The following GRB14 variants were observed in gnomAD, a reference collection of about 807,000 sequenced individuals.
The protein encoded by GRB14 is growth factor receptor-bound protein 14.
Under a neutral mutation model 69.1 loss-of-function variants are expected in GRB14, and 38 were observed. That is an observed-to-expected ratio of 0.55 (90% CI 0.42 to 0.72). The LOEUF (loss-of-function observed/expected upper bound fraction) is 0.72, where lower values mean the gene tolerates loss of function less well. Ranked by LOEUF, GRB14 falls within the 30% of genes least tolerant of loss-of-function variation. GRB14 has a pLI of 0.00. For synonymous variants in GRB14, 247 were observed against 241.3 expected (o/e 1.02, Z -0.22); for missense variants, 666 against 666.1 (o/e 1.00, Z 0.00).
chr2:164,504,703 G>C (rs1033686181), intron 8 of GRB14, among the ~76,000 whole-genome samples: 3 of 152,128 alleles, frequency 2.0e-5, no homozygotes, highest in African/African-American at 7.2e-5. Flanking sequence ...ACATGGATGT[G>C]GTAGGTAGAA....
chr2:164,595,173 C>A (rs1400671005), intron 2 of GRB14, among the ~76,000 whole-genome samples: 1 of 152,162 alleles, frequency 6.6e-6, no homozygotes, highest in Non-Finnish European at 1.5e-5. Context: ...TTGCAATAAA[C>A]CAATGTTTAT....
chr2:164,608,853 G>T (rs1452960246), intron 2 of GRB14, among the ~76,000 whole-genome samples: 1 of 152,092 alleles, frequency 6.6e-6, no homozygotes, highest in Non-Finnish European at 1.5e-5. Context: ...AAATAGTCCA[G>T]TAGCTGGCAT....
At position 164,492,907 on chromosome 2, in the gene GRB14, A is replaced by ATT. The variant is rs1303924477; in HGVS notation, c.*127_*128dup. The ATT allele has an allele frequency of 1.3e-6, 1 of 784,088 alleles. No homozygotes were observed. Among genetic ancestry groups the ATT allele is most frequent in the Non-Finnish European group, 1.9e-6 (1 of 515,858 alleles). 48.6% of individuals were successfully genotyped at this position (784,088 alleles called of 1,614,324 possible). The stretch of plus-strand genomic sequence containing the variant: ...TTTGCTTATTTGCAATGCACAAACT[A>ATT]TTTTTTTGTAACTTGCAGGTGAAAT... On this transcript the variant is annotated 3_prime_UTR_variant, in exon 14 of 14. Coordinates refer to ENST00000263915, the MANE Select transcript of GRB14 (RefSeq NM_004490.3).
Position 164,621,066 on chromosome 2 carries a change from C to A in GRB14, c.191+53G>T. The stretch of plus-strand genomic sequence containing the variant: ...ACCCCCTAGGACCGCCTCCTCACCC[C>A]CTCGCCGGCTGCCCAGCCAGGACAC... On this transcript the variant is annotated intron_variant, in intron 1 of 13. Coordinates refer to ENST00000263915, the MANE Select transcript of GRB14 (RefSeq NM_004490.3). This position sits in a 1 kb window ranked among gnomAD's most constrained non-coding sequence, Gnocchi z 6.0. 8.1e-7 allele frequency: 1 copy of A among 1,239,394 alleles called. No individual in the cohort carries two copies. Among genetic ancestry groups the A allele is most frequent in the Non-Finnish European group, 1.0e-6 (1 of 983,120 alleles). 76.8% of individuals were successfully genotyped at this position (1,239,394 alleles called of 1,614,324 possible). A position where few individuals can be genotyped will look rare whatever the true frequency, so the allele number is the denominator to read the frequency against.
intron 2 of GRB14, among the ~76,000 whole-genome samples, chr2:164,595,929 T>G (rs547856679): frequency 2.4e-4 from 36 of 152,142 alleles, no homozygotes; most frequent in Admixed American, 4.6e-4. Context: ...ATCGAGACCA[T>G]CCTGGCCAAC....
intron 8 of GRB14, among the ~76,000 whole-genome samples, chr2:164,505,086 A>G (rs1687155028): frequency 6.6e-6 from 1 of 152,150 alleles, no homozygotes. Context: ...ATCCAGTAAG[A>G]CTCATTTCAG....
At chr2:164,493,896 A>G (rs1385836687) in intron 13 of GRB14, among the ~76,000 whole-genome samples, 2 of 152,122 alleles carry the variant, frequency 1.3e-5, no homozygotes, top group African/African-American at 2.4e-5. Flanking sequence ...GCACACCCAC[A>G]CAGACACACA....
At chr2:164,547,632 A>T in intron 3 of GRB14, 28 bp downstream of exon 3, 1 of 1,579,474 alleles carries the variant, frequency 6.3e-7, no homozygotes, top group Non-Finnish European at 8.7e-7. Context: ...AAAAGCAATG[A>T]TGTGAGACAA....
chr2:164,609,857 A>G (rs1421612460), intron 2 of GRB14, among the ~76,000 whole-genome samples: 4 of 152,204 alleles, frequency 2.6e-5, no homozygotes, highest in Admixed American at 6.5e-5. Flanking sequence ...ACCATCATCT[A>G]TCTGAATTCA....
At chr2:164,618,680 T>A (rs184611945) in intron 2 of GRB14, among the ~76,000 whole-genome samples, 5 of 152,216 alleles carry the variant, frequency 3.3e-5, no homozygotes, top group Admixed American at 6.5e-5. Flanking sequence ...TTTCTGTATA[T>A]GATCAATAAT....
At chr2:164,604,628 T>G (rs1179045305) in intron 2 of GRB14, among the ~76,000 whole-genome samples, 19 of 151,540 alleles carry the variant, frequency 1.3e-4, no homozygotes, top group Admixed American at 1.2e-3. Context: ...GTATGAACAA[T>G]CTCTTCTTTC....
At chr2:164,513,613 G>A (rs1366954772) in intron 6 of GRB14, among the ~76,000 whole-genome samples, 2 of 152,092 alleles carry the variant, frequency 1.3e-5, no homozygotes, top group Non-Finnish European at 2.9e-5. Flanking sequence ...AATAATGGAT[G>A]TACATTTCTA....
At position 164,619,743 on chromosome 2, in the gene GRB14, A is replaced by C. The variant is rs61748245; in HGVS notation, c.268T>G (p.Phe90Val). The C allele has an allele frequency of 6.2e-6, 10 of 1,605,910 alleles. No homozygotes were observed. The highest frequency in any genetic ancestry group is 3.3e-5 in the South Asian group (3 of 89,602). The change falls in exon 2 of 14, where the codon TTT (phenylalanine) becomes GTT (valine). Residue 90 changes from phenylalanine (F) to valine (V), a missense_variant. Phe to Val is a conservative substitution (Grantham distance 50). Transcript: ENST00000263915. ...NPFPELCCSP[F>V]TSVLSADLFP... is the part of the protein sequence containing the mutation. ...AGGTCTGCTGACAACACAGATGTAA[A>C]TGGAGAACAGCATAGCTCAGGAAAA...
At chr2:164,557,369 T>A (rs1448702106) in intron 2 of GRB14, among the ~76,000 whole-genome samples, 1 of 152,166 alleles carries the variant, frequency 6.6e-6, no homozygotes, top group Non-Finnish European at 1.5e-5. Flanking sequence ...CTTTTCAAGA[T>A]ACACAAGTGA....
intron 2 of GRB14, among the ~76,000 whole-genome samples, chr2:164,555,247 G>A (rs1057155210): frequency 6.6e-6 from 1 of 152,196 alleles, no homozygotes; most frequent in Non-Finnish European, 1.5e-5. Context: ...TATTTGAAAT[G>A]AATTCAGCAT....
intron 3 of GRB14, among the ~76,000 whole-genome samples, chr2:164,539,436 T>C (rs374139265): frequency 1.3e-5 from 2 of 151,572 alleles, no homozygotes; most frequent in Non-Finnish European, 2.9e-5. Flanking sequence ...TATCACATAC[T>C]GTACTCCACC....
intron 2 of GRB14, among the ~76,000 whole-genome samples, chr2:164,603,711 G>A (rs1689981996): frequency 6.6e-6 from 1 of 150,378 alleles, no homozygotes; most frequent in Non-Finnish European, 1.5e-5. Context: ...ATTCAGGACA[G>A]AGAGGGAAAA....
rs746775468 is a variant in GRB14, at chr2:164,547,754, C to T, written c.387G>A (p.Thr129=). The T allele has an allele frequency of 1.5e-5, 24 of 1,613,426 alleles. No homozygotes were observed. Among genetic ancestry groups the T allele is most frequent in the South Asian group, 3.3e-5 (3 of 91,050 alleles). ...TCAACAGCTGACAAACATCTCGAGC[C>T]GTTATGTCACTGGGTACATCTAAAG... is the stretch of plus-strand genomic sequence containing the variant. The part of the protein sequence containing the change: ...SRALDVPSDI[T]ARDVCQLLIL... The change falls in exon 3 of 14, where the codon ACG becomes ACA. Residue 129 remains threonine, a synonymous_variant. Coordinates refer to ENST00000263915, the MANE Select transcript of GRB14 (RefSeq NM_004490.3).
At chr2:164,608,330 C>A (rs538604590) in intron 2 of GRB14, among the ~76,000 whole-genome samples, 1 of 151,792 alleles carries the variant, frequency 6.6e-6, no homozygotes, top group East Asian at 1.9e-4. Context: ...TGAGATCACC[C>A]ACTGCACCCC....
Sources: gnomAD v4.1 joint callset for allele counts (sites outside exome capture counted in the v4.1 genomes callset) on GRCh38, gnomAD v4.1.1 for gene constraint, Gnocchi (gnomAD v3.1) non-coding constraint, MANE v1.5 for transcripts, NCBI Gene and HGNC (gene_info 2026-07-23, HGNC 2026-07-21) for gene names.